Variants in LPA observed in about 807,000 individuals in gnomAD.
LPA encodes the protein apolipoprotein(a).
Under a neutral mutation model 197.9 loss-of-function variants are expected in LPA, and 199 were observed. That is an observed-to-expected ratio of 1.01 (90% confidence interval 0.90 to 1.13). The LOEUF (loss-of-function observed/expected upper bound fraction) is 1.13. Among genes scored for constraint, LPA ranks in the 50% most tolerant of loss-of-function variants. LPA has a pLI of 0.00. For synonymous variants in LPA, 715 were observed against 639.5 expected, an observed-to-expected ratio of 1.12 and a Z score of -1.78; for missense variants, 1,853 against 1,785.8, an observed-to-expected ratio of 1.04 and a Z score of -0.68.
rs770911603 is a variant in LPA at position 160,540,192 on chromosome 6, G to A, written c.5595-9C>T. 4 of 1,614,124 alleles carry A rather than the reference G, an allele frequency of 2.5e-6. No homozygotes were observed. The South Asian group carries it at 4.4e-5, about 18-fold the overall frequency. On this transcript the variant is annotated splice_polypyrimidine_tract_variant and intron_variant, in intron 35 of 38. Transcript: ENST00000316300. ...ATGAAGGCCTTGAGGACCTAGAAAAGATGAGGATGTCAAGAGAAAAATATG... is the reference window on the plus strand; with the variant it reads ...ATGAAGGCCTTGAGGACCTAGAAAAAATGAGGATGTCAAGAGAAAAATATG...
At chr6:160,585,621 C>T (rs1778896321) in intron 25 of LPA, among the ~76,000 whole-genome samples, 2 of 152,044 alleles carry the variant, frequency 1.3e-5, no homozygotes, top group Admixed American at 6.6e-5. Context: ...CCCTTGCACA[C>T]TAGACCACTG....
intron 28 of LPA, among the ~76,000 whole-genome samples, chr6:160,560,144 A>T (rs1050034874): frequency 6.6e-6 from 1 of 152,224 alleles, no homozygotes; most frequent in Admixed American, 6.5e-5. Flanking sequence ...GCTGCATAGT[A>T]TTCCACAGTG....
chr6:160,595,913 C>T (rs1390662507), intron 20 of LPA, among the ~76,000 whole-genome samples: 1 of 152,190 alleles, frequency 6.6e-6, no homozygotes, highest in Non-Finnish European at 1.5e-5. Flanking sequence ...CCTCCTTCCA[C>T]CTTCTGTGAA....
At chr6:160,564,173 A>T (rs1431723716) in intron 28 of LPA, among the ~76,000 whole-genome samples, 6 of 152,144 alleles carry the variant, frequency 3.9e-5, no homozygotes. Flanking sequence ...TGGTGTTTAC[A>T]ATTTGGTATG....
chr6:160,545,115 T>C (rs1026509311), intron 33 of LPA, among the ~76,000 whole-genome samples: 5 of 152,138 alleles, frequency 3.3e-5, no homozygotes, highest in Non-Finnish European at 5.9e-5. Context: ...AAATTTGTTT[T>C]TCATGCATCC....
chr6:160,651,520 T>C (rs1780005164), intron 1 of LPA, among the ~76,000 whole-genome samples: 2 of 152,224 alleles, frequency 1.3e-5, no homozygotes, highest in African/African-American at 2.4e-5. Flanking sequence ...GTTGACTCAA[T>C]TGACCACAAA....
intron 2 of LPA, among the ~76,000 whole-genome samples, chr6:160,648,588 TTGAG>T (rs1401343102): frequency 3.9e-5 from 6 of 151,908 alleles, no homozygotes; most frequent in South Asian, 2.1e-4. Context: ...TTATACATGT[TTGAG>T]TGTGTGTGTA....
At chr6:160,590,284 G>A (rs1779000820) in intron 23 of LPA, among the ~76,000 whole-genome samples, 2 of 152,256 alleles carry the variant, frequency 1.3e-5, no homozygotes, top group African/African-American at 2.4e-5. Flanking sequence ...CCAGGATCCT[G>A]CATTGCAACA....
chr6:160,631,805 T>A (rs1779689994), intron 8 of LPA, among the ~76,000 whole-genome samples: 1 of 151,890 alleles, frequency 6.6e-6, no homozygotes, highest in African/African-American at 2.4e-5. Flanking sequence ...GGTATTTGTT[T>A]CTATTCCAAA....
intron 1 of LPA, among the ~76,000 whole-genome samples, chr6:160,658,190 A>G (rs1780163287): frequency 6.6e-6 from 1 of 152,228 alleles, no homozygotes; most frequent in African/African-American, 2.4e-5. Flanking sequence ...AAGTTTCATC[A>G]GAGTTCACAA....
chr6:160,589,660 CTG>C lies in LPA; in HGVS notation c.3838_3839del (p.Gln1280GlufsTer49). The C allele has an allele frequency of 6.2e-7, 1 of 1,613,966 alleles. No individual in the cohort carries two copies. Among genetic ancestry groups the C allele is most frequent in the African/African-American group, 1.3e-5 (1 of 75,010 alleles). On this transcript the variant is annotated frameshift_variant, in exon 24 of 39. Transcript: ENST00000316300. LOFTEE classifies it high-confidence loss of function. ...TGGTGGAGAATGAGCCTCGATAACT[CTG>C]TCCATCACCATGGTAGCAGTCCTGG... The part of the protein sequence containing the change: ...TVQDCYHGDG[Q>X]SYRGSFSTTV...
At chr6:160,652,633 G>T (rs73782408) in intron 1 of LPA, among the ~76,000 whole-genome samples, 1 of 151,998 alleles carries the variant, frequency 6.6e-6, no homozygotes, top group Non-Finnish European at 1.5e-5. Flanking sequence ...GTAAAATAAA[G>T]AAATTATTCA....
At chr6:160,656,349 T>A (rs1438971230) in intron 1 of LPA, among the ~76,000 whole-genome samples, 1 of 152,204 alleles carries the variant, frequency 6.6e-6, no homozygotes, top group East Asian at 1.9e-4. Flanking sequence ...ATCCTACCAG[T>A]CAGGGAGCCA....
intron 30 of LPA, among the ~76,000 whole-genome samples, chr6:160,549,796 A>T (rs1778138587): frequency 6.6e-6 from 1 of 152,218 alleles, no homozygotes; most frequent in Non-Finnish European, 1.5e-5. Flanking sequence ...GGCCACAGCC[A>T]CTGCGGGACT....
intron 22 of LPA, among the ~76,000 whole-genome samples, chr6:160,593,316 T>C (rs562149011): frequency 6.6e-6 from 1 of 152,286 alleles, no homozygotes; most frequent in African/African-American, 2.4e-5. Context: ...AAAACACTTT[T>C]CCTATGTATT....
intron 2 of LPA, among the ~76,000 whole-genome samples, chr6:160,648,434 A>G (rs1052621046): frequency 1.2e-4 from 19 of 152,004 alleles, no homozygotes; most frequent in South Asian, 2.1e-4. Context: ...TGCTTTCAGT[A>G]TATATTTCTG....
At chr6:160,605,968 A>G (rs988493311) in intron 17 of LPA, among the ~76,000 whole-genome samples, 6 of 152,162 alleles carry the variant, frequency 3.9e-5, no homozygotes, top group Non-Finnish European at 7.4e-5. Context: ...GTCCTGAAAC[A>G]TAGATCATTG....
At chr6:160,646,747 G>A (rs1273181279) in intron 2 of LPA, among the ~76,000 whole-genome samples, 4 of 142,794 alleles carry the variant, frequency 2.8e-5, no homozygotes, top group Non-Finnish European at 6.0e-5. Flanking sequence ...GGGTTTTGAC[G>A]TCTGTATTGT....
Position 160,658,363 on chromosome 6 carries a change from GTC to G in LPA, c.49+5801_49+5802del, listed in dbSNP as rs41269864. On this transcript the variant is annotated intron_variant, in intron 1 of 38. Coordinates refer to ENST00000316300, the MANE Select transcript of LPA (RefSeq NM_005577.4). Reference sequence around the variant, plus strand: ...TCAGCTACTCGCATGATAACAGCTTGTCTCTGTTTTTTCACAATTTCAACTCT... The same window carrying G: ...TCAGCTACTCGCATGATAACAGCTTGTCTGTTTTTTCACAATTTCAACTCT... Among the ~76,000 whole-genome samples, 744 of 152,254 alleles carry G rather than the reference GTC, an allele frequency of 4.9e-3. 2 individuals carry two copies. The highest frequency in any genetic ancestry group is 9.3e-3 in the Non-Finnish European group (633 of 68,030).
Sources: gnomAD v4.1 joint callset for allele counts (sites outside exome capture counted in the v4.1 genomes callset) on GRCh38, gnomAD v4.1.1 for gene constraint, MANE v1.5 for transcripts, NCBI Gene and HGNC (gene_info 2026-07-23, HGNC 2026-07-21) for gene names.